Variants in RABEP1 observed in about 807,000 individuals in gnomAD.
The protein encoded by RABEP1 is rabaptin, RAB GTPase binding effector protein 1, also known as rab GTPase-binding effector protein 1.
RABEP1 carries 51 observed loss-of-function variants against 123.4 expected under a neutral mutation model. That is an observed-to-expected ratio of 0.41 (90% confidence interval 0.33 to 0.52). The LOEUF (loss-of-function observed/expected upper bound fraction) is 0.52. RABEP1 is among the 20% of genes least tolerant of loss of function. The probability of loss-of-function intolerance (pLI) is 0.16; values close to 1 mark genes in which losing one functional copy is unlikely to be tolerated. For missense variants in RABEP1, 888 were observed against 996.3 expected, an observed-to-expected ratio of 0.89 and a Z score of 1.46; for synonymous variants, 347 against 355.2, an observed-to-expected ratio of 0.98 and a Z score of 0.26.
chr17:5,322,396 G>A (rs1237688016), intron 2 of RABEP1, among the ~76,000 whole-genome samples: 1 of 152,024 alleles, frequency 6.6e-6, no homozygotes, highest in African/African-American at 2.4e-5. Flanking sequence ...GAGGAAAAAA[G>A]GGTCATATAA....
At chr17:5,354,235 C>A in intron 7 of RABEP1, 124 bp from the exon 8 acceptor site, 1 of 821,794 alleles carries the variant, frequency 1.2e-6, no homozygotes, top group Non-Finnish European at 1.8e-6. Context: ...AACAAAGAAG[C>A]GTAAGTATCC....
intron 2 of RABEP1, among the ~76,000 whole-genome samples, chr17:5,312,914 C>T (rs2144536697): frequency 6.6e-6 from 1 of 152,210 alleles, no homozygotes; most frequent in African/African-American, 2.4e-5. Flanking sequence ...AGAGTCCGGC[C>T]TGGCCAACAT....
intron 1 of RABEP1, among the ~76,000 whole-genome samples, chr17:5,285,796 C>T (rs2074971959): frequency 6.6e-6 from 1 of 152,118 alleles, no homozygotes; most frequent in Non-Finnish European, 1.5e-5. Flanking sequence ...TGCCATCTGG[C>T]TTATGTACTA....
chr17:5,353,091 A>G (rs1474282284), intron 7 of RABEP1, among the ~76,000 whole-genome samples: 2 of 152,158 alleles, frequency 1.3e-5, no homozygotes, highest in Non-Finnish European at 2.9e-5. Context: ...TCCAGAGTCT[A>G]AGTGCTTACT....
At chr17:5,283,317 AGT>A (rs2074947059) in intron 1 of RABEP1, among the ~76,000 whole-genome samples, 1 of 151,980 alleles carries the variant, frequency 6.6e-6, no homozygotes, top group Non-Finnish European at 1.5e-5. Flanking sequence ...AAAAAAAAAA[AGT>A]GAAGTCGAAG....
chr17:5,325,570 A>G (rs901125536), intron 2 of RABEP1, among the ~76,000 whole-genome samples: 5 of 152,082 alleles, frequency 3.3e-5, no homozygotes, highest in South Asian at 2.1e-4. Context: ...GGGTATGAGT[A>G]TGTGGTTTGA....
intron 2 of RABEP1, among the ~76,000 whole-genome samples, 160 bp downstream of exon 2, chr17:5,308,982 G>T (rs530287164): frequency 6.6e-6 from 1 of 152,278 alleles, no homozygotes; most frequent in African/African-American, 2.4e-5. Flanking sequence ...GAATGGGATT[G>T]AAAAACAAGT....
intron 1 of RABEP1, among the ~76,000 whole-genome samples, chr17:5,292,441 G>A (rs143779798): frequency 3.3e-5 from 5 of 151,952 alleles, no homozygotes; most frequent in South Asian, 4.1e-4. Flanking sequence ...AGGCTGTAGT[G>A]CAGTGGCGCG....
At chr17:5,299,935 T>C (rs1334284684) in intron 1 of RABEP1, among the ~76,000 whole-genome samples, 1 of 151,626 alleles carries the variant, frequency 6.6e-6, no homozygotes, top group East Asian at 1.9e-4. Context: ...TCACCATGTG[T>C]GCCAGGATGC....
At chr17:5,342,227 GAAAAAA>G (rs918993521) in intron 5 of RABEP1, among the ~76,000 whole-genome samples, 3 of 150,852 alleles carry the variant, frequency 2.0e-5, no homozygotes, top group East Asian at 1.9e-4. Flanking sequence ...TAAAAAAAAA[GAAAAAA>G]AAGAAAAAGA....
In RABEP1 at chr17:5,282,386, G is replaced by C; in HGVS notation, c.-101G>C. ...TAGCGGTTTCTCTCTGGGCGGCGGC[G>C]GCGGCGGCTCGGTTGACGCCTCCTC... On this transcript the variant is annotated 5_prime_UTR_variant, in exon 1 of 18. Coordinates refer to ENST00000537505, the MANE Select transcript of RABEP1 (RefSeq NM_004703.6). 2 of 974,092 alleles carry C rather than the reference G, an allele frequency of 2.1e-6. No individual in the cohort carries two copies. Among genetic ancestry groups the C allele is most frequent in the Non-Finnish European group, 2.7e-6 (2 of 730,936 alleles). The allele number at this position is 974,092 out of a possible 1,614,324, so 60.3% of individuals were successfully genotyped here. A position where few individuals can be genotyped will look rare whatever the true frequency, so the allele number is the denominator to read the frequency against.
rs1054150115 is a variant in RABEP1, at chr17:5,385,914, G to C, written c.*2691G>C. On this transcript the variant is annotated 3_prime_UTR_variant, in exon 18 of 18. Coordinates refer to ENST00000537505, the MANE Select transcript of RABEP1 (RefSeq NM_004703.6). ...CACAGCTCACAAGAATAACTAACTT[G>C]CTCAAATATGGAGAAAACTCAATAG... The C allele has an allele frequency of 1.5e-5, 5 of 340,334 alleles. No individual in the cohort carries two copies. The Admixed American group carries it at 1.9e-4, about 13-fold the overall frequency. 21.1% of individuals were successfully genotyped at this position (340,334 alleles called of 1,614,324 possible).
chr17:5,294,944 C>A (rs2075068579), intron 1 of RABEP1, among the ~76,000 whole-genome samples: 1 of 150,700 alleles, frequency 6.6e-6, no homozygotes, highest in Non-Finnish European at 1.5e-5. Context: ...CCGTGCCCGG[C>A]CAACGGTATT....
chr17:5,317,839 A>G (rs906888972), intron 2 of RABEP1, among the ~76,000 whole-genome samples: 7 of 152,076 alleles, frequency 4.6e-5, no homozygotes, highest in African/African-American at 1.7e-4. Flanking sequence ...CTCCAGGGAG[A>G]GGAGAGGAGC....
chr17:5,350,669 A>G (rs553996599), intron 7 of RABEP1, 40 bp downstream of exon 7: 52 of 1,599,196 alleles, frequency 3.3e-5, no homozygotes, highest in Non-Finnish European at 4.2e-5. Flanking sequence ...TTTGTCAGTA[A>G]TGTCCCCCAC....
intron 13 of RABEP1, among the ~76,000 whole-genome samples, chr17:5,375,711 A>G (rs533562596): frequency 1.4e-5 from 2 of 143,858 alleles, no homozygotes; most frequent in African/African-American, 2.6e-5. Context: ...TGTCTCAATT[A>G]AAAAAAAAAA....
At position 5,282,503 on chromosome 17, in the gene RABEP1, C is replaced by A; in HGVS notation, c.17C>A (p.Pro6Gln). Residue 6 changes from proline (P) to glutamine (Q), a missense_variant, in exon 1 of 18, where the codon CCG becomes CAG. Transcript: ENST00000537505. ...CGCCTGGTCATGGCGCAGCCGGGCC[C>A]GGCTTCCCAGCCTGACGGTGAGGCG... is the stretch of plus-strand genomic sequence containing the variant. MAQPG[P>Q]ASQPDVSLQQ... The A allele has an allele frequency of 1.6e-6, 2 of 1,274,990 alleles. No individual in the cohort carries two copies. The highest frequency in any genetic ancestry group is 2.6e-5 in the South Asian group (1 of 38,202). The allele number at this position is 1,274,990 out of a possible 1,614,324, so 79.0% of individuals were successfully genotyped here. A position where few individuals can be genotyped will look rare whatever the true frequency, so the allele number is the denominator to read the frequency against.
intron 1 of RABEP1, among the ~76,000 whole-genome samples, chr17:5,285,539 A>G (rs895700198): frequency 2.0e-5 from 3 of 152,196 alleles, no homozygotes; most frequent in African/African-American, 4.8e-5. Flanking sequence ...CATGCTTTAC[A>G]TACATAAGTC....
intron 14 of RABEP1, 34 bp downstream of exon 14, chr17:5,377,339 G>A (rs770238711): frequency 1.3e-6 from 2 of 1,523,710 alleles, no homozygotes; most frequent in African/African-American, 1.4e-5. Flanking sequence ...TAGAATTAGA[G>A]TCACTAAATA....
Sources: gnomAD v4.1 joint callset for allele counts (sites outside exome capture counted in the v4.1 genomes callset) on GRCh38, gnomAD v4.1.1 for gene constraint, MANE v1.5 for transcripts, NCBI Gene and HGNC (gene_info 2026-07-23, HGNC 2026-07-21) for gene names.